The following FOXP2 variants were observed in gnomAD, a reference collection of about 807,000 sequenced individuals.
The protein encoded by FOXP2 is forkhead box protein P2.
FOXP2 carries 12 observed loss-of-function variants against 115.8 expected under a neutral mutation model. The ratio of observed to expected loss-of-function variants is 0.10; its 90% CI spans 0.07 to 0.17. The LOEUF (loss-of-function observed/expected upper bound fraction) is 0.17. FOXP2 is among the 10% of genes least tolerant of loss of function. FOXP2 has a pLI of 1.00. For synonymous variants in FOXP2, 328 were observed against 297.7 expected, an observed-to-expected ratio of 1.10 and a Z score of -1.05; for missense variants, 629 against 843.5, an observed-to-expected ratio of 0.75 and a Z score of 3.15.
intron 1 of FOXP2, among the ~76,000 whole-genome samples, chr7:114,094,707 G>T (rs1799607973): frequency 6.6e-6 from 1 of 151,934 alleles, no homozygotes; most frequent in African/African-American, 2.4e-5. Context: ...TATTGACCAG[G>T]CTGGAGTGCA....
chr7:114,244,013 C>T (rs1795218263), intron 1 of FOXP2, among the ~76,000 whole-genome samples: 2 of 150,260 alleles, frequency 1.3e-5, no homozygotes, highest in Admixed American at 1.3e-4. Context: ...AATGAGTTTT[C>T]ATAGTACCTG....
chr7:114,241,331 G>C (rs1473001765), intron 1 of FOXP2, among the ~76,000 whole-genome samples: 1 of 151,988 alleles, frequency 6.6e-6, no homozygotes, highest in Non-Finnish European at 1.5e-5. Context: ...AGTATGCTAG[G>C]CAGAGATGAG....
At chr7:114,407,185 C>T (rs183498907) in intron 2 of FOXP2, among the ~76,000 whole-genome samples, 4 of 151,834 alleles carry the variant, frequency 2.6e-5, no homozygotes, top group East Asian at 1.9e-4. Flanking sequence ...TTTGTATTCT[C>T]GAAATCATTT....
chr7:114,268,191 C>G (rs534185974), intron 1 of FOXP2, among the ~76,000 whole-genome samples: 1 of 152,224 alleles, frequency 6.6e-6, no homozygotes, highest in South Asian at 2.1e-4. Flanking sequence ...TATGTACATA[C>G]CACATTTTAT....
At chr7:114,470,326 G>C (rs937108811) in intron 2 of FOXP2, among the ~76,000 whole-genome samples, 4 of 152,072 alleles carry the variant, frequency 2.6e-5, no homozygotes, top group African/African-American at 9.7e-5. Flanking sequence ...CACATACCAT[G>C]CTAGTTCCTA....
chr7:114,137,691 A>T (rs905920836), intron 1 of FOXP2, among the ~76,000 whole-genome samples: 1 of 152,238 alleles, frequency 6.6e-6, no homozygotes, highest in Non-Finnish European at 1.5e-5. Context: ...CAAGATGTTA[A>T]TCAAAAGTTT....
chr7:114,647,922 GGAAATACTCT>G (rs1806006577), intron 8 of FOXP2, among the ~76,000 whole-genome samples: 1 of 151,910 alleles, frequency 6.6e-6, no homozygotes. Flanking sequence ...ATACAAAGGT[GGAAATACTCT>G]CCTTTAAGAA....
intron 1 of FOXP2, among the ~76,000 whole-genome samples, chr7:114,417,283 A>G (rs935932143): frequency 6.6e-6 from 1 of 151,964 alleles, no homozygotes; most frequent in Admixed American, 6.6e-5. Flanking sequence ...CATGTTTTAA[A>G]TTTCAGCATA....
intron 14 of FOXP2, 57 bp downstream of exon 14, chr7:114,662,243 A>T: frequency 1.2e-6 from 2 of 1,607,356 alleles, no homozygotes; most frequent in Non-Finnish European, 1.7e-6. Context: ...AAAAGTAAAT[A>T]CTTTAAGTTG....
At chr7:114,141,388 C>T (rs952971302) in intron 1 of FOXP2, among the ~76,000 whole-genome samples, 3 of 152,180 alleles carry the variant, frequency 2.0e-5, no homozygotes, top group African/African-American at 7.2e-5. Context: ...GCTAGAGCCT[C>T]TCAAGAAAAG....
chr7:114,508,423 T>C (rs1477822132), intron 2 of FOXP2, among the ~76,000 whole-genome samples: 1 of 152,042 alleles, frequency 6.6e-6, no homozygotes, highest in African/African-American at 2.4e-5. Context: ...TGAATAAAAC[T>C]GAAATGATCT....
intron 15 of FOXP2, 139 bp from the exon 16 acceptor site, chr7:114,664,134 T>G: frequency 1.0e-6 from 1 of 967,972 alleles, no homozygotes; most frequent in Admixed American, 2.4e-5. Flanking sequence ...CAGTTAGGAA[T>G]TTTTTTTCAA....
intron 6 of FOXP2, among the ~76,000 whole-genome samples, chr7:114,638,584 T>G (rs1805350646): frequency 6.6e-6 from 1 of 152,184 alleles, no homozygotes; most frequent in African/African-American, 2.4e-5. Context: ...TGAGCAATTT[T>G]TAGGTTGAAA....
chr7:114,558,148 A>G (rs1800561362), intron 3 of FOXP2, among the ~76,000 whole-genome samples: 1 of 152,138 alleles, frequency 6.6e-6, no homozygotes, highest in Non-Finnish European at 1.5e-5. Context: ...TATTTGAGGA[A>G]TCTAAGAAAG....
At chr7:114,574,686 G>A (rs1327399637) in intron 3 of FOXP2, among the ~76,000 whole-genome samples, 2 of 151,866 alleles carry the variant, frequency 1.3e-5, no homozygotes, top group East Asian at 1.9e-4. Flanking sequence ...TTGCCTACAG[G>A]TTTTTACACC....
chr7:114,227,603 T>C (rs958899975), intron 1 of FOXP2, among the ~76,000 whole-genome samples: 2 of 152,076 alleles, frequency 1.3e-5, no homozygotes, highest in African/African-American at 4.8e-5. Context: ...TTGTCAAACT[T>C]ACTTTTTTTA....
intron 2 of FOXP2, among the ~76,000 whole-genome samples, chr7:114,380,245 C>T (rs1300560921): frequency 6.6e-6 from 1 of 152,170 alleles, no homozygotes; most frequent in Non-Finnish European, 1.5e-5. Context: ...GTTAGGAATT[C>T]CCTTTCTCTC....
At chr7:114,357,904 G>A (rs1379960521) in intron 2 of FOXP2, among the ~76,000 whole-genome samples, 1 of 151,984 alleles carries the variant, frequency 6.6e-6, no homozygotes, top group African/African-American at 2.4e-5. Context: ...ACCCAATTTT[G>A]GTCAATAAGA....
intron 2 of FOXP2, chr7:114,288,211 C>G: frequency 2.5e-6 from 1 of 405,098 alleles, no homozygotes; most frequent in Non-Finnish European, 4.9e-6. Context: ...AATATGTTTG[C>G]CCAAATGTTA....
Sources: allele counts gnomAD v4.1 joint callset (sites outside exome capture counted in the v4.1 genomes callset), GRCh38; gene constraint gnomAD v4.1.1; transcripts MANE v1.5; gene names NCBI Gene and HGNC (gene_info 2026-07-23, HGNC 2026-07-21).